DLGAP1: variants seen among roughly 807,000 people sequenced by gnomAD.
DLGAP1 encodes the protein DLG associated protein 1.
DLGAP1 carries 11 observed loss-of-function variants against 90.8 expected under a neutral mutation model. That is an observed-to-expected ratio of 0.12 (90% CI 0.08 to 0.20). The LOEUF is 0.20. Ranked by LOEUF, DLGAP1 falls within the 10% of genes least tolerant of loss-of-function variation. The probability of loss-of-function intolerance (pLI) is 1.00; values close to 1 mark genes in which losing one functional copy is unlikely to be tolerated. For synonymous variants in DLGAP1, 558 were observed against 540.7 expected (o/e 1.03, Z -0.44); for missense variants, 1,050 against 1,333.8 (o/e 0.79, Z 3.31).
intron 5 of DLGAP1, among the ~76,000 whole-genome samples, chr18:3,780,548 C>T (rs541711432): frequency 2.0e-5 from 3 of 152,100 alleles, no homozygotes; most frequent in African/African-American, 7.2e-5. Flanking sequence ...CTAACTTTTC[C>T]GCCTCCCTTT....
chr18:4,326,950 G>A (rs1457602058), intron 1 of DLGAP1, among the ~76,000 whole-genome samples: 3 of 152,052 alleles, frequency 2.0e-5, no homozygotes, highest in East Asian at 1.9e-4. Flanking sequence ...AAACCCCTGC[G>A]ATGTACAGTT....
intron 2 of DLGAP1, among the ~76,000 whole-genome samples, chr18:4,021,148 A>C (rs950919690): frequency 3.9e-5 from 6 of 152,290 alleles, no homozygotes; most frequent in African/African-American, 1.4e-4. Context: ...AGTAATAATA[A>C]AACTCTAGTC....
chr18:3,801,155 C>T lies in DLGAP1; in HGVS notation c.1172+12904G>A, dbSNP rs186041925. Among the ~76,000 whole-genome samples, 773 of 152,178 alleles carry T rather than the reference C, an allele frequency of 5.1e-3. 4 individuals carry two copies. Among genetic ancestry groups the T allele is most frequent in the Non-Finnish European group, 6.5e-3 (443 of 67,986 alleles). On this transcript the variant is annotated intron_variant, in intron 5 of 12. Coordinates refer to ENST00000315677, the MANE Select transcript of DLGAP1 (RefSeq NM_004746.4). Reference sequence around the variant, plus strand: ...GAGAACCCAGTCGTGTTGATGAGGACGGCACCAAGCCATTCATTAGGGATC... The same window carrying T: ...GAGAACCCAGTCGTGTTGATGAGGATGGCACCAAGCCATTCATTAGGGATC...
Position 4,082,703 on chromosome 18 carries a change from T to C in DLGAP1, c.-159+68477A>G, listed in dbSNP as rs530926380. 2.2e-4 allele frequency among the ~76,000 whole-genome samples: 33 copies of C among 151,728 alleles called. 1 individual carries two copies. The highest frequency in any genetic ancestry group is 7.5e-4 in the African/African-American group (31 of 41,354). On this transcript the variant is annotated intron_variant, in intron 2 of 12. Transcript: ENST00000315677. ...GAAGGGGAAGTTTTCCTTTGGCCCC[T>C]ACACTCCATTTTTGCAGATAGGGAA...
intron 3 of DLGAP1, among the ~76,000 whole-genome samples, chr18:3,883,198 C>A (rs1162148152): frequency 6.6e-6 from 1 of 152,166 alleles, no homozygotes; most frequent in Non-Finnish European, 1.5e-5. Flanking sequence ...AAGCCGAGAT[C>A]GTGCCACTGC....
At chr18:4,402,280 C>G (rs899230606) in intron 1 of DLGAP1, among the ~76,000 whole-genome samples, 1 of 152,166 alleles carries the variant, frequency 6.6e-6, no homozygotes, top group Non-Finnish European at 1.5e-5. Context: ...GTTAAACTCA[C>G]ATCTATATTA....
chr18:3,760,370 G>T (rs1034642012), intron 5 of DLGAP1, among the ~76,000 whole-genome samples: 1 of 152,310 alleles, frequency 6.6e-6, no homozygotes, highest in South Asian at 2.1e-4. Flanking sequence ...GGAGGCAAGT[G>T]GCGACACCTT....
intron 1 of DLGAP1, among the ~76,000 whole-genome samples, chr18:4,170,759 A>C (rs1253670440): frequency 6.6e-6 from 1 of 152,210 alleles, no homozygotes; most frequent in East Asian, 1.9e-4. Flanking sequence ...TATTTAAATA[A>C]GAATAAAATT....
intron 1 of DLGAP1, among the ~76,000 whole-genome samples, chr18:4,179,572 T>A (rs1266450493): frequency 1.3e-5 from 2 of 152,176 alleles, no homozygotes; most frequent in African/African-American, 4.8e-5. Context: ...ATGAGGAAAC[T>A]GAGACACAGA....
chr18:3,778,372 C>T (rs749354238), intron 5 of DLGAP1, among the ~76,000 whole-genome samples: 3 of 151,654 alleles, frequency 2.0e-5, no homozygotes, highest in African/African-American at 4.8e-5. Context: ...ACCCAGGAGG[C>T]GGAGGTTGCA....
chr18:3,814,522 T>C (rs1332989097), intron 4 of DLGAP1, among the ~76,000 whole-genome samples: 5 of 151,946 alleles, frequency 3.3e-5, no homozygotes, highest in Admixed American at 2.6e-4. Flanking sequence ...CCACCACGCC[T>C]GGCTAATTAT....
chr18:3,519,703 C>T (rs756354708), intron 10 of DLGAP1, among the ~76,000 whole-genome samples: 28 of 152,184 alleles, frequency 1.8e-4, no homozygotes, highest in Middle Eastern at 6.8e-3. Flanking sequence ...TTGAAGGGAC[C>T]GCCTCTTGCC....
chr18:4,345,095 G>A (rs988061415), intron 1 of DLGAP1, among the ~76,000 whole-genome samples: 22 of 151,996 alleles, frequency 1.4e-4, no homozygotes, highest in Non-Finnish European at 2.8e-4. Context: ...CTCAACATCC[G>A]TCCACCCAAG....
chr18:3,960,154 T>C (rs905748755), intron 3 of DLGAP1, among the ~76,000 whole-genome samples: 3 of 152,252 alleles, frequency 2.0e-5, no homozygotes, highest in African/African-American at 7.2e-5. Context: ...GTAACCACTT[T>C]ACGTTTCATT....
At chr18:3,621,362 A>T (rs1599582835) in intron 7 of DLGAP1, among the ~76,000 whole-genome samples, 1 of 152,338 alleles carries the variant, frequency 6.6e-6, no homozygotes, top group South Asian at 2.1e-4. Flanking sequence ...GTTTGAGACC[A>T]GCCTGGGCAA....
chr18:4,429,525 C>T (rs1237990032), intron 1 of DLGAP1, among the ~76,000 whole-genome samples: 1 of 152,156 alleles, frequency 6.6e-6, no homozygotes, highest in Non-Finnish European at 1.5e-5. Context: ...AATAACTTTT[C>T]AATGCTATTA....
chr18:4,171,164 A>G (rs112541179), intron 1 of DLGAP1, among the ~76,000 whole-genome samples: 1 of 152,214 alleles, frequency 6.6e-6, no homozygotes, highest in Non-Finnish European at 1.5e-5. Context: ...AAAGTACGAT[A>G]TAAATAATTT....
chr18:3,659,433 A>ACACG (rs1555618642), intron 7 of DLGAP1, among the ~76,000 whole-genome samples: 3 of 130,026 alleles, frequency 2.3e-5, no homozygotes, highest in Non-Finnish European at 4.8e-5. Flanking sequence ...ACACACACAC[A>ACACG]CGGATGCTAC....
At chr18:3,707,372 T>C (rs1014816633) in intron 7 of DLGAP1, among the ~76,000 whole-genome samples, 7 of 152,026 alleles carry the variant, frequency 4.6e-5, no homozygotes, top group Admixed American at 1.3e-4. Flanking sequence ...CCGAGGTGGG[T>C]GGATCACTGG....
Sources: gnomAD v4.1 joint callset for allele counts (sites outside exome capture counted in the v4.1 genomes callset) on GRCh38, gnomAD v4.1.1 for gene constraint, MANE v1.5 for transcripts, NCBI Gene and HGNC (gene_info 2026-07-23, HGNC 2026-07-21) for gene names.